The following GLIS3 variants were observed in gnomAD, a reference collection of about 807,000 sequenced individuals.
GLIS3 encodes the protein GLIS family zinc finger 3, also known as zinc finger protein GLIS3.
In GLIS3, 53 loss-of-function variants were observed where a neutral mutation model predicts 78.6. That is an observed-to-expected ratio of 0.67 (90% CI 0.54 to 0.85). The LOEUF (loss-of-function observed/expected upper bound fraction) is 0.85. Among genes scored for constraint, GLIS3 ranks in the 40% least tolerant of loss-of-function variants. The pLI is 0.00. For missense variants in GLIS3, 1,703 were observed against 1,231.1 expected (o/e 1.38, Z -5.74); for synonymous variants, 684 against 509.9 (o/e 1.34, Z -4.60).
In GLIS3 at chr9:4,286,483, A is replaced by G; in HGVS notation, c.-58T>C. 6.3e-7 allele frequency: 1 copy of G among 1,599,738 alleles called. No homozygotes were observed. Among genetic ancestry groups the G allele is most frequent in the African/African-American group, 1.3e-5 (1 of 74,870 alleles). On this transcript the variant is annotated 5_prime_UTR_variant, in exon 2 of 11. It removes the in-frame stop codon of an upstream open reading frame in the 5' UTR. Transcript: ENST00000381971. Reference sequence around the variant, plus strand: ...TCCAATGTCACTAATGACTCCTTTCAGGCAAAGTCCAATAAGTTATCCATG... The same window carrying G: ...TCCAATGTCACTAATGACTCCTTTCGGGCAAAGTCCAATAAGTTATCCATG...
chr9:4,140,017 C>T (rs951535211), intron 2 of GLIS3, among the ~76,000 whole-genome samples: 10 of 152,194 alleles, frequency 6.6e-5, no homozygotes, highest in Admixed American at 3.9e-4. Context: ...GGCAAAATCG[C>T]AGCCAATTCT....
At chr9:4,053,661 CAG>C (rs1201989370) in intron 4 of GLIS3, among the ~76,000 whole-genome samples, 1 of 132,188 alleles carries the variant, frequency 7.6e-6, no homozygotes, top group African/African-American at 2.7e-5. Flanking sequence ...AGCTACAAGA[CAG>C]AGGAAGAGCC....
intron 3 of GLIS3, among the ~76,000 whole-genome samples, chr9:4,122,133 G>A (rs1384885534): frequency 6.6e-6 from 1 of 152,206 alleles, no homozygotes; most frequent in Non-Finnish European, 1.5e-5. Context: ...AGGGTGGCTG[G>A]TTAACCAAGA....
At chr9:4,351,193 A>G (rs978184266), upstream of GLIS3, among the ~76,000 whole-genome samples, 16 of 152,142 alleles carry the variant, frequency 1.1e-4, no homozygotes, top group African/African-American at 3.9e-4. Flanking sequence ...CAGTGAGCCA[A>G]GATCAGGCCA....
At chr9:4,308,552 G>C (rs967612724) in intron 4 of GLIS3, among the ~76,000 whole-genome samples, 6 of 152,046 alleles carry the variant, frequency 3.9e-5, no homozygotes, top group Admixed American at 3.3e-4. Context: ...CCCCAGCCTT[G>C]AGGATCCAGT....
At chr9:4,245,800 T>C (rs1823754683) in intron 2 of GLIS3, among the ~76,000 whole-genome samples, 1 of 152,184 alleles carries the variant, frequency 6.6e-6, no homozygotes, top group South Asian at 2.1e-4. Flanking sequence ...ACAATAATAA[T>C]AATAAAGTGC....
chr9:4,180,861 C>G (rs572612140), intron 2 of GLIS3, among the ~76,000 whole-genome samples: 1 of 152,252 alleles, frequency 6.6e-6, no homozygotes, highest in South Asian at 2.1e-4. Context: ...TCCGATCCAC[C>G]CAAGCACAGG....
chr9:4,118,380 G>A lies in GLIS3; in HGVS notation c.1098C>T (p.Pro366=), dbSNP rs1831887742. The change falls in exon 4 of 11, where the codon CCC becomes CCT. Residue 366 remains proline, a synonymous_variant. Coordinates refer to ENST00000381971, the MANE Select transcript of GLIS3 (RefSeq NM_001042413.2). This position sits in a 1 kb window ranked among gnomAD's most constrained non-coding sequence, Gnocchi z 4.7. ...CCACCAGCACGCCCTTCTGGCTGCC[G>A]GGCACCGGGCGCGGCTGGGGAATGC... ...GSCIPQPRPV[P]GSQKGVLVAP... 2.5e-6 allele frequency: 4 copies of A among 1,597,564 alleles called. No individual in the cohort carries two copies. The highest frequency in any genetic ancestry group is 2.7e-5 in the African/African-American group (2 of 74,644).
intron 2 of GLIS3, among the ~76,000 whole-genome samples, chr9:4,165,299 G>A (rs535167281): frequency 6.6e-6 from 1 of 152,092 alleles, no homozygotes; most frequent in Non-Finnish European, 1.5e-5. Context: ...AAATTAGCCG[G>A]GCGTGGTGGC....
chr9:4,226,036 G>A (rs1563787650), intron 2 of GLIS3, among the ~76,000 whole-genome samples: 2 of 152,166 alleles, frequency 1.3e-5, no homozygotes, highest in African/African-American at 2.4e-5. Flanking sequence ...AATAGGTAAT[G>A]TTCCAGCACA....
chr9:4,137,069 G>C (rs970553034), intron 2 of GLIS3, among the ~76,000 whole-genome samples: 2 of 152,192 alleles, frequency 1.3e-5, no homozygotes, highest in Non-Finnish European at 2.9e-5. Flanking sequence ...ACATGAACCA[G>C]CTGTACAGAC....
the GLIS3 span, among the ~76,000 whole-genome samples, chr9:4,395,769 CTTTT>C: frequency 6.9e-5 from 10 of 145,796 alleles, no homozygotes; most frequent in African/African-American, 2.1e-4. Flanking sequence ...TTTCTTTTTT[CTTTT>C]TTTCTTTTTT....
chr9:4,316,395 G>C (rs1817437073), intron 2 of GLIS3, among the ~76,000 whole-genome samples: 1 of 152,152 alleles, frequency 6.6e-6, no homozygotes. Flanking sequence ...AGATATTTTA[G>C]CAGCTCCTAC....
intron 4 of GLIS3, among the ~76,000 whole-genome samples, chr9:4,065,173 C>A (rs919061936): frequency 6.6e-6 from 1 of 152,136 alleles, no homozygotes; most frequent in African/African-American, 2.4e-5. Context: ...AGTTTACAAA[C>A]CAGCCCTTCC....
At chr9:4,029,189 G>C (rs1823604056) in intron 4 of GLIS3, among the ~76,000 whole-genome samples, 2 of 151,958 alleles carry the variant, frequency 1.3e-5, no homozygotes, top group South Asian at 2.1e-4. Context: ...TGAAACCCTT[G>C]GAATCCTTAG....
At chr9:4,469,274 C>T in the GLIS3 span, among the ~76,000 whole-genome samples, 2 of 152,162 alleles carry the variant, frequency 1.3e-5, no homozygotes, top group Non-Finnish European at 2.9e-5. Flanking sequence ...CTCAGCTCTG[C>T]ACCAAGCAGA....
intron 2 of GLIS3, among the ~76,000 whole-genome samples, chr9:4,149,316 C>T (rs113209265): frequency 0.014 from 2,170 of 152,284 alleles, 54 homozygotes; most frequent in African/African-American, 0.05. Context: ...AAAACTAAGG[C>T]TTGAAGACCA....
At chr9:3,864,142 C>G (rs1027629321) in intron 8 of GLIS3, among the ~76,000 whole-genome samples, 2 of 151,930 alleles carry the variant, frequency 1.3e-5, no homozygotes, top group African/African-American at 4.8e-5. Context: ...AAAAATTCTA[C>G]TATGAAAAAA....
chr9:4,063,590 C>T (rs1438435303), intron 4 of GLIS3, among the ~76,000 whole-genome samples: 1 of 151,566 alleles, frequency 6.6e-6, no homozygotes, highest in African/African-American at 2.4e-5. Context: ...GTATTAAAAG[C>T]ATATTCACTA....
Sources: allele counts gnomAD v4.1 joint callset (sites outside exome capture counted in the v4.1 genomes callset), GRCh38; gene constraint gnomAD v4.1.1; non-coding constraint Gnocchi (gnomAD v3.1); transcripts MANE v1.5; gene names NCBI Gene and HGNC (gene_info 2026-07-23, HGNC 2026-07-21).